Variants in RANBP17 observed in about 807,000 individuals in gnomAD.
RANBP17 encodes the protein ran-binding protein 17.
RANBP17 carries 158 observed loss-of-function variants against 141.2 expected under a neutral mutation model. That is an observed-to-expected ratio of 1.12 (90% CI 0.98 to 1.28). The LOEUF (loss-of-function observed/expected upper bound fraction) is 1.28. RANBP17 is among the 50% of genes most tolerant of loss of function. The pLI is 0.00. For missense variants in RANBP17, 1,438 were observed against 1,290.7 expected (o/e 1.11, Z -1.75); for synonymous variants, 430 against 450.0 (o/e 0.96, Z 0.56).
chr5:171,156,732 G>C (rs1050445044), intron 14 of RANBP17, among the ~76,000 whole-genome samples: 4 of 152,114 alleles, frequency 2.6e-5, no homozygotes, highest in African/African-American at 9.6e-5. Flanking sequence ...ATAAATAAAA[G>C]AAAGTGAACT....
chr5:171,178,550 T>C (rs2127907457), intron 16 of RANBP17, among the ~76,000 whole-genome samples: 1 of 152,324 alleles, frequency 6.6e-6, no homozygotes, highest in Non-Finnish European at 1.5e-5. Context: ...ATGGGATTGC[T>C]GGGTCAAATG....
At chr5:170,943,784 G>A (rs1774531384) in intron 12 of RANBP17, among the ~76,000 whole-genome samples, 1 of 152,004 alleles carries the variant, frequency 6.6e-6, no homozygotes, top group South Asian at 2.1e-4. Flanking sequence ...AAGGTGTACG[G>A]CATGATGTTT....
At chr5:170,954,044 A>G (rs1381415523) in intron 13 of RANBP17, among the ~76,000 whole-genome samples, 1 of 152,180 alleles carries the variant, frequency 6.6e-6, no homozygotes, top group Non-Finnish European at 1.5e-5. Context: ...AGAAAGTATT[A>G]GGTAGTCAGT....
At chr5:171,205,407 C>T (rs890127815) in intron 19 of RANBP17, 117 bp from the exon 20 acceptor site, 15 of 780,502 alleles carry the variant, frequency 1.9e-5, no homozygotes, top group South Asian at 6.8e-5. Flanking sequence ...GAGGTCTGAA[C>T]GAGACATTTT....
chr5:170,866,012 G>A (rs1482731915), intron 1 of RANBP17, among the ~76,000 whole-genome samples: 1 of 152,100 alleles, frequency 6.6e-6, no homozygotes, highest in Non-Finnish European at 1.5e-5. Context: ...TCATTATACA[G>A]GGTTTTTACT....
chr5:171,009,867 G>A (rs1212905533), intron 14 of RANBP17, among the ~76,000 whole-genome samples: 1 of 152,158 alleles, frequency 6.6e-6, no homozygotes, highest in Non-Finnish European at 1.5e-5. Context: ...AAGTAGGTAG[G>A]AATTGGAGGT....
chr5:171,286,440 A>G (rs901195124), intron 25 of RANBP17, among the ~76,000 whole-genome samples: 2 of 152,160 alleles, frequency 1.3e-5, no homozygotes, highest in Non-Finnish European at 2.9e-5. Flanking sequence ...AAAATGCTAA[A>G]TACTTTTATT....
At chr5:170,912,970 A>G (rs1031318908) in intron 7 of RANBP17, among the ~76,000 whole-genome samples, 1 of 152,004 alleles carries the variant, frequency 6.6e-6, no homozygotes, top group African/African-American at 2.4e-5. Context: ...CCAGAAAGAA[A>G]AAAGTAAGTC....
intron 13 of RANBP17, among the ~76,000 whole-genome samples, chr5:170,966,846 T>A (rs1291092452): frequency 6.6e-6 from 1 of 151,908 alleles, no homozygotes; most frequent in Non-Finnish European, 1.5e-5. Context: ...TTCAGCAAAG[T>A]CTCAGGATAC....
At chr5:171,107,029 TTTGTTG>T (rs5873254) in intron 14 of RANBP17, among the ~76,000 whole-genome samples, 2 of 151,206 alleles carry the variant, frequency 1.3e-5, no homozygotes, top group Non-Finnish European at 3.0e-5. Context: ...CTTTTGTTTG[TTTGTTG>T]TTGTTGTTGT....
At chr5:171,266,485 C>T (rs553695868) in intron 25 of RANBP17, among the ~76,000 whole-genome samples, 19 of 152,206 alleles carry the variant, frequency 1.2e-4, no homozygotes, top group South Asian at 4.1e-4. Flanking sequence ...ATAATAGTAA[C>T]GGCATGCATA....
chr5:171,187,682 A>T lies in RANBP17; in HGVS notation c.2038+4252A>T, dbSNP rs80167291. ...TAATGGTAAAAATTAACTTATTTTT[A>T]AAATTTGTTACTAAAAAGCTAAAGT... On this transcript the variant is annotated intron_variant, in intron 18 of 27. Transcript: ENST00000523189. Among the ~76,000 whole-genome samples, 330 of 152,240 alleles carry T rather than the reference A, an allele frequency of 2.2e-3. 7 individuals carry two copies. In the East Asian group the frequency reaches 0.045, roughly 21 times the overall value.
chr5:171,001,600 G>A (rs1210823822), intron 14 of RANBP17, among the ~76,000 whole-genome samples: 1 of 152,162 alleles, frequency 6.6e-6, no homozygotes, highest in South Asian at 2.1e-4. Context: ...TCTGAGAAGG[G>A]CAAGAGGTAA....
intron 18 of RANBP17, among the ~76,000 whole-genome samples, chr5:171,191,427 G>A (rs934413355): frequency 7.2e-5 from 11 of 152,094 alleles, no homozygotes; most frequent in Admixed American, 2.6e-4. Flanking sequence ...AGTGGCTCAC[G>A]CCTGTAATCC....
intron 14 of RANBP17, chr5:171,161,350 C>A (rs758008981): frequency 5.4e-6 from 1 of 186,042 alleles, no homozygotes; most frequent in African/African-American, 2.3e-5. Flanking sequence ...ATTGGGGAGG[C>A]CTTTTGCTCT....
intron 14 of RANBP17, among the ~76,000 whole-genome samples, chr5:170,973,185 GA>G (rs890062478): frequency 2.0e-5 from 3 of 151,632 alleles, no homozygotes; most frequent in Non-Finnish European, 4.4e-5. Context: ...GACAAGTAAG[GA>G]AAAAAAATTA....
At chr5:171,169,314 G>T (rs1028633180) in intron 14 of RANBP17, among the ~76,000 whole-genome samples, 2 of 152,178 alleles carry the variant, frequency 1.3e-5, no homozygotes, top group Admixed American at 1.3e-4. Flanking sequence ...CTGGTGACTG[G>T]CAGGGATAAC....
intron 14 of RANBP17, among the ~76,000 whole-genome samples, chr5:171,020,049 A>G (rs926770225): frequency 2.6e-5 from 4 of 152,186 alleles, no homozygotes; most frequent in Non-Finnish European, 5.9e-5. Flanking sequence ...ATTCAGGAGC[A>G]GGTTGTTCAG....
chr5:171,063,858 G>C (rs1366018874), intron 14 of RANBP17, among the ~76,000 whole-genome samples: 1 of 152,212 alleles, frequency 6.6e-6, no homozygotes, highest in Admixed American at 6.5e-5. Flanking sequence ...TAGCGAGCCT[G>C]GGCAATGGCG....
Sources: gnomAD v4.1 joint callset for allele counts (sites outside exome capture counted in the v4.1 genomes callset) on GRCh38, gnomAD v4.1.1 for gene constraint, MANE v1.5 for transcripts, NCBI Gene and HGNC (gene_info 2026-07-23, HGNC 2026-07-21) for gene names.